Variants in AGBL4 observed in about 807,000 individuals in gnomAD.
The protein encoded by AGBL4 is AGBL carboxypeptidase 4, also known as cytosolic carboxypeptidase 6.
A neutral mutation model predicts 66.4 loss-of-function variants in AGBL4; 58 were observed. The observed-to-expected ratio is 0.87, with a 90% confidence interval of 0.71 to 1.09. AGBL4 has a LOEUF of 1.09. Among genes scored for constraint, AGBL4 ranks in the 50% least tolerant of loss-of-function variants. The pLI is 0.00. For synonymous variants in AGBL4, 234 were observed against 222.9 expected (o/e 1.05, Z -0.44); for missense variants, 579 against 631.0 (o/e 0.92, Z 0.88).
At chr1:49,367,746 T>C (rs1397838506) in intron 3 of AGBL4, among the ~76,000 whole-genome samples, 1 of 152,236 alleles carries the variant, frequency 6.6e-6, no homozygotes, top group East Asian at 1.9e-4. Flanking sequence ...TCACTTTTTA[T>C]GTTTTTATTG....
intron 2 of AGBL4, among the ~76,000 whole-genome samples, chr1:49,739,058 T>C (rs1161337773): frequency 1.3e-5 from 2 of 152,180 alleles, no homozygotes; most frequent in Non-Finnish European, 2.9e-5. Context: ...GGATGGAGAA[T>C]GACTTTGACG....
At chr1:48,779,630 G>A (rs1047800631) in intron 6 of AGBL4, among the ~76,000 whole-genome samples, 2 of 151,878 alleles carry the variant, frequency 1.3e-5, no homozygotes, top group Admixed American at 1.3e-4. Flanking sequence ...TAAAACAAAT[G>A]TATTAAAGAA....
chr1:49,443,647 C>T lies in AGBL4; in HGVS notation c.283-197783G>A, dbSNP rs376879692. Reference sequence around the variant, plus strand: ...TGTGCCTATTTTTATACTAATACCACGCTCTTTTCAATACAATAATCTTAT... The same window carrying T: ...TGTGCCTATTTTTATACTAATACCATGCTCTTTTCAATACAATAATCTTAT... On this transcript the variant is annotated intron_variant, in intron 3 of 13. Coordinates refer to ENST00000371839, the MANE Select transcript of AGBL4 (RefSeq NM_032785.4). Among the ~76,000 whole-genome samples, 74 of 151,894 alleles carry T rather than the reference C, an allele frequency of 4.9e-4. 1 individual carries two copies. In the South Asian group the frequency reaches 9.8e-3, roughly 20 times the overall value.
intron 6 of AGBL4, among the ~76,000 whole-genome samples, chr1:48,713,429 T>G (rs543486496): frequency 1.3e-5 from 2 of 151,958 alleles, no homozygotes; most frequent in South Asian, 4.2e-4. Flanking sequence ...TCATTAGTGG[T>G]GGAAAAGGTT....
intron 6 of AGBL4, chr1:48,728,038 A>G: frequency 6.2e-7 from 1 of 1,604,956 alleles, no homozygotes; most frequent in Non-Finnish European, 8.5e-7. Context: ...CTGTCATACA[A>G]ACACTCTAGA....
At chr1:49,825,068 C>A (rs1219110410) in intron 2 of AGBL4, among the ~76,000 whole-genome samples, 1 of 152,212 alleles carries the variant, frequency 6.6e-6, no homozygotes, top group Non-Finnish European at 1.5e-5. Context: ...CAACCTGTTA[C>A]AGCTTCCTAA....
chr1:49,332,904 T>C (rs1355471728), intron 3 of AGBL4, among the ~76,000 whole-genome samples: 3 of 152,194 alleles, frequency 2.0e-5, no homozygotes, highest in Non-Finnish European at 4.4e-5. Context: ...CGTTCCTATT[T>C]CTCCATATCC....
chr1:49,252,387 C>A (rs1652139365), intron 3 of AGBL4, among the ~76,000 whole-genome samples: 1 of 152,064 alleles, frequency 6.6e-6, no homozygotes, highest in African/African-American at 2.4e-5. Context: ...ATAAACAAAA[C>A]CTCCAAGAGA....
chr1:50,019,180 T>C lies in AGBL4; in HGVS notation c.34+4583A>G, dbSNP rs113683878. 7.2e-5 allele frequency among the ~76,000 whole-genome samples: 11 copies of C among 151,996 alleles called. 1 individual carries two copies. The highest frequency in any genetic ancestry group is 2.6e-4 in the African/African-American group (11 of 41,518). ...GAGTTCTGAAATATATTTGCATCCA[T>C]ACCTGCCAGATAAGGGACTGCAGAC... On this transcript the variant is annotated intron_variant, in intron 1 of 13. Transcript: ENST00000371839.
intron 9 of AGBL4, among the ~76,000 whole-genome samples, chr1:48,603,358 T>C (rs1645104271): frequency 2.0e-5 from 3 of 152,022 alleles, no homozygotes; most frequent in African/African-American, 7.2e-5. Flanking sequence ...TAATCCCAGC[T>C]ACTGGGAAGG....
At chr1:49,674,035 T>C (rs749324494) in intron 3 of AGBL4, among the ~76,000 whole-genome samples, 1 of 151,990 alleles carries the variant, frequency 6.6e-6, no homozygotes, top group Non-Finnish European at 1.5e-5. Flanking sequence ...TACAATCCCA[T>C]GCAGAAAAGA....
intron 6 of AGBL4, among the ~76,000 whole-genome samples, chr1:48,731,032 GAGA>G (rs1648043765): frequency 1.3e-5 from 2 of 152,236 alleles, no homozygotes; most frequent in South Asian, 4.1e-4. Context: ...TAAAATCAAA[GAGA>G]AGAAGAAGAA....
At chr1:49,454,961 T>G (rs1377854241) in intron 3 of AGBL4, among the ~76,000 whole-genome samples, 1 of 151,686 alleles carries the variant, frequency 6.6e-6, no homozygotes, top group Non-Finnish European at 1.5e-5. Context: ...TGGGCCGGAC[T>G]CTGAACTAAG....
intron 6 of AGBL4, among the ~76,000 whole-genome samples, chr1:48,862,205 G>A (rs932531642): frequency 7.9e-5 from 12 of 152,076 alleles, no homozygotes; most frequent in Admixed American, 5.2e-4. Flanking sequence ...TCAACTGCCC[G>A]GTTGATAAGG....
chr1:49,384,595 A>C (rs1205497672), intron 3 of AGBL4, among the ~76,000 whole-genome samples: 1 of 152,102 alleles, frequency 6.6e-6, no homozygotes, highest in Non-Finnish European at 1.5e-5. Context: ...TCCATCTAAA[A>C]ACAAACAAAC....
chr1:48,850,514 AT>A (rs150752168), intron 6 of AGBL4, among the ~76,000 whole-genome samples: 1,976 of 152,104 alleles, frequency 0.013, 39 homozygotes, highest in African/African-American at 0.043. Context: ...TTGTCCATTC[AT>A]TTTTTTGTTT....
At chr1:48,719,561 C>A (rs755910996) in intron 6 of AGBL4, among the ~76,000 whole-genome samples, 1 of 152,204 alleles carries the variant, frequency 6.6e-6, no homozygotes, top group Non-Finnish European at 1.5e-5. Flanking sequence ...AGCCTGGAAC[C>A]AAGGCCCTCC....
chr1:49,359,285 T>C (rs2148533014), intron 3 of AGBL4, among the ~76,000 whole-genome samples: 1 of 152,296 alleles, frequency 6.6e-6, no homozygotes, highest in East Asian at 1.9e-4. Flanking sequence ...AAGCCATAAA[T>C]AGCAGCTCAG....
intron 8 of AGBL4, among the ~76,000 whole-genome samples, chr1:48,639,658 C>A (rs1004841887): frequency 6.6e-6 from 1 of 152,156 alleles, no homozygotes; most frequent in Non-Finnish European, 1.5e-5. Flanking sequence ...TCAAGGATGA[C>A]CAATATCTTA....
Sources: gnomAD v4.1 joint callset for allele counts (sites outside exome capture counted in the v4.1 genomes callset) on GRCh38, gnomAD v4.1.1 for gene constraint, MANE v1.5 for transcripts, NCBI Gene and HGNC (gene_info 2026-07-23, HGNC 2026-07-21) for gene names.